The following GRIA3 variants were observed in gnomAD, a reference collection of about 807,000 sequenced individuals.
The protein encoded by GRIA3 is glutamate ionotropic receptor AMPA type subunit 3, also known as glutamate receptor 3.
A neutral mutation model predicts 63.0 loss-of-function variants in GRIA3; 3 were observed. The observed-to-expected ratio is 0.05, with a 90% confidence interval of 0.02 to 0.12. The LOEUF is 0.12. Among genes scored for constraint, GRIA3 ranks in the 10% least tolerant of loss-of-function variants. GRIA3 has a pLI of 1.00. For synonymous variants in GRIA3, 274 were observed against 257.9 expected (o/e 1.06, Z -0.60); for missense variants, 347 against 700.9 (o/e 0.50, Z 5.70).
At chrX:123,237,245 C>A (rs2044306565) in intron 2 of GRIA3, among the ~76,000 whole-genome samples, 1 of 112,100 alleles carries the variant, frequency 8.9e-6, no homozygotes, top group Non-Finnish European at 1.9e-5. Context: ...AAAATTCCTA[C>A]AGGAGACCTG....
chrX:123,438,858 T>C (rs893521700), intron 12 of GRIA3, among the ~76,000 whole-genome samples: 1 of 112,702 alleles, frequency 8.9e-6, no homozygotes, highest in African/African-American at 3.2e-5. Context: ...GGGCATCTTC[T>C]GTTCTGTTTT....
chrX:123,458,496 A>C (rs1303919853), intron 12 of GRIA3, among the ~76,000 whole-genome samples: 1 of 111,247 alleles, frequency 9.0e-6, no homozygotes, highest in African/African-American at 3.3e-5. Flanking sequence ...CCTCTGAGCT[A>C]GGGAGTGCCT....
chrX:123,262,815 G>A (rs1275649805), intron 3 of GRIA3, among the ~76,000 whole-genome samples: 4 of 111,242 alleles, frequency 3.6e-5, no homozygotes, highest in African/African-American at 9.8e-5. Flanking sequence ...AGTTATAAAC[G>A]TTTCTGAGGC....
Position 123,352,775 on chromosome X carries a change from A to G in GRIA3, c.697-2135A>G, listed in dbSNP as rs146649423. 8.2e-3 allele frequency among the ~76,000 whole-genome samples: 908 copies of G among 110,910 alleles called. 9 individuals carry two copies. The highest frequency in any genetic ancestry group is 0.027 in the African/African-American group (827 of 30,507). ...AGTTAATTAAAAATTCAACAAATGT[A>G]TGGTCCCAACTTGCCACCAAAAGTT... On this transcript the variant is annotated intron_variant, in intron 4 of 15. Transcript: ENST00000620443.
chrX:123,292,082 C>CA (rs1419949231), intron 3 of GRIA3, among the ~76,000 whole-genome samples: 1 of 111,129 alleles, frequency 9.0e-6, no homozygotes, highest in Non-Finnish European at 1.9e-5. Flanking sequence ...TCCTAGCCAC[C>CA]AAGCTGCACT....
intron 3 of GRIA3, among the ~76,000 whole-genome samples, chrX:123,254,422 T>A (rs1008799169): frequency 8.9e-6 from 1 of 111,870 alleles, no homozygotes; most frequent in African/African-American, 3.2e-5. Flanking sequence ...AGGGATTCTA[T>A]CACCAAGACG....
At chrX:123,277,804 A>G (rs1415865662) in intron 3 of GRIA3, among the ~76,000 whole-genome samples, 2 of 112,102 alleles carry the variant, frequency 1.8e-5, no homozygotes, top group African/African-American at 6.5e-5. Context: ...AATGCAGCCA[A>G]TAATATCTAC....
chrX:123,341,974 G>GT (rs756236854), intron 4 of GRIA3, among the ~76,000 whole-genome samples: 3,340 of 107,352 alleles, frequency 0.031, 122 homozygotes, highest in African/African-American at 0.1. Flanking sequence ...CTAAGAGTGG[G>GT]TTTTTTTTTT....
chrX:123,202,756 G>A (rs868717443), intron 2 of GRIA3: 7 of 1,164,046 alleles, frequency 6.0e-6, no homozygotes, highest in East Asian at 6.5e-5. Flanking sequence ...GGTGGGGCCC[G>A]CCAAAACTGG....
At chrX:123,356,437 C>T (rs1603110147) in intron 5 of GRIA3, among the ~76,000 whole-genome samples, 1 of 110,983 alleles carries the variant, frequency 9.0e-6, no homozygotes, top group Middle Eastern at 4.6e-3. Context: ...TCACCAATCA[C>T]TGACCATACA....
intron 3 of GRIA3, among the ~76,000 whole-genome samples, chrX:123,294,350 A>G (rs2044673159): frequency 9.0e-6 from 1 of 111,414 alleles, no homozygotes; most frequent in Admixed American, 9.6e-5. Flanking sequence ...AAGGAAGAGC[A>G]TGTCACTAGC....
At chrX:123,415,694 T>A (rs1268325960) in intron 10 of GRIA3, among the ~76,000 whole-genome samples, 2 of 111,640 alleles carry the variant, frequency 1.8e-5, no homozygotes, top group African/African-American at 3.3e-5. Context: ...GCCTCCAAGG[T>A]AGATTTGATC....
At chrX:123,479,442 C>T (rs1189069175) in intron 13 of GRIA3, among the ~76,000 whole-genome samples, 1 of 112,106 alleles carries the variant, frequency 8.9e-6, no homozygotes, top group Non-Finnish European at 1.9e-5. Context: ...ATAAGAATTT[C>T]GACTACATGT....
chrX:123,307,283 T>G (rs1683751693), intron 3 of GRIA3, among the ~76,000 whole-genome samples: 1 of 111,693 alleles, frequency 9.0e-6, no homozygotes, highest in African/African-American at 3.3e-5. Context: ...CTATAAAATT[T>G]TGCACAGCTC....
intron 3 of GRIA3, among the ~76,000 whole-genome samples, chrX:123,291,270 T>C (rs1446722367): frequency 9.0e-6 from 1 of 111,533 alleles, no homozygotes; most frequent in Non-Finnish European, 1.9e-5. Context: ...ATGTATCTAT[T>C]AAGATAACAA....
chrX:123,196,633 C>T (rs949097798), intron 2 of GRIA3, among the ~76,000 whole-genome samples: 1 of 111,340 alleles, frequency 9.0e-6, no homozygotes, highest in Admixed American at 9.5e-5. Flanking sequence ...ACCTACAGTA[C>T]CATTTTTTCT....
rs374237886 is a variant in GRIA3 at position 123,451,273 on chromosome X, T to A, written c.2077-13592T>A. On this transcript the variant is annotated intron_variant, in intron 12 of 15. Coordinates refer to ENST00000620443, the MANE Select transcript of GRIA3 (RefSeq NM_007325.5). ...TCCAGCACTTTGGGAGGCCAAGGCA[T>A]GAGGAACACTTGAGCCCAGAAGTTC... 3.7e-4 allele frequency among the ~76,000 whole-genome samples: 40 copies of A among 109,294 alleles called. 1 individual carries two copies. The South Asian group carries it at 0.015, about 42-fold the overall frequency. The allele number at this position is 109,294 out of a possible 115,157, so 94.9% of individuals were successfully genotyped here. A position where few individuals can be genotyped will look rare whatever the true frequency, so the allele number is the denominator to read the frequency against.
chrX:123,262,017 T>C lies in GRIA3; in HGVS notation c.508+8475T>C, dbSNP rs560533255. Among the ~76,000 whole-genome samples, 174 of 111,784 alleles carry C rather than the reference T, an allele frequency of 1.6e-3. 1 individual carries two copies. The highest frequency in any genetic ancestry group is 5.1e-3 in the African/African-American group (158 of 30,799). ...GGTAGTTAATTAACCCATTAAGGGT[T>C]ATCTGGAGTAGTCTATAAATTCAGG... is the stretch of plus-strand genomic sequence containing the variant. On this transcript the variant is annotated intron_variant, in intron 3 of 15. Coordinates refer to ENST00000620443, the MANE Select transcript of GRIA3 (RefSeq NM_007325.5).
At chrX:123,189,237 T>A (rs1378520187) in intron 2 of GRIA3, among the ~76,000 whole-genome samples, 1 of 111,562 alleles carries the variant, frequency 9.0e-6, no homozygotes, top group East Asian at 2.8e-4. Context: ...GAACCAAGAG[T>A]GGTGTGAATT....
Sources: gnomAD v4.1 joint callset for allele counts (sites outside exome capture counted in the v4.1 genomes callset) on GRCh38, gnomAD v4.1.1 for gene constraint, MANE v1.5 for transcripts, NCBI Gene and HGNC (gene_info 2026-07-23, HGNC 2026-07-21) for gene names.